Variants in CHMP3 observed in about 807,000 individuals in gnomAD.
The protein encoded by CHMP3 is charged multivesicular body protein 3.
A neutral mutation model predicts 27.4 loss-of-function variants in CHMP3; 8 were observed. That is an observed-to-expected ratio of 0.29 (90% CI 0.17 to 0.53). The LOEUF is 0.53. Ranked by LOEUF, CHMP3 falls within the 20% of genes least tolerant of loss-of-function variation. The probability of loss-of-function intolerance (pLI) is 0.96; values close to 1 mark genes in which losing one functional copy is unlikely to be tolerated. For synonymous variants in CHMP3, 86 were observed against 85.5 expected (o/e 1.01, Z -0.03); for missense variants, 208 against 271.5 (o/e 0.77, Z 1.64).
intron 1 of CHMP3, among the ~76,000 whole-genome samples, chr2:86,545,811 G>A (rs1676567424): frequency 6.7e-6 from 1 of 148,856 alleles, no homozygotes; most frequent in Admixed American, 6.7e-5. Context: ...CAGATGGGGT[G>A]GCCAGGCAGA....
intron 5 of CHMP3, chr2:86,507,021 A>AT (rs113356343): frequency 6.7e-5 from 10 of 149,170 alleles, no homozygotes; most frequent in Non-Finnish European, 8.9e-5. Context: ...ATTAGGTCAA[A>AT]TTTTTTTTTT....
At chr2:86,551,949 A>T (rs1454085296) in intron 1 of CHMP3, among the ~76,000 whole-genome samples, 1 of 152,220 alleles carries the variant, frequency 6.6e-6, no homozygotes, top group South Asian at 2.1e-4. Context: ...AAATTTTGGT[A>T]TCTAAATAGC....
chr2:86,562,306 G>A (rs1364345742), intron 1 of CHMP3: 1 of 151,982 alleles, frequency 6.6e-6, no homozygotes, highest in Non-Finnish European at 1.5e-5. Flanking sequence ...ACAAGCCTAG[G>A]TGTTGCAGAG....
chr2:86,525,238 T>C (rs1558649206), intron 3 of CHMP3, among the ~76,000 whole-genome samples: 1 of 152,208 alleles, frequency 6.6e-6, no homozygotes, highest in Non-Finnish European at 1.5e-5. Context: ...ATGCCTATAA[T>C]TGTACAATTA....
At chr2:86,542,352 A>C (rs780430703) in intron 1 of CHMP3, 40 bp from the exon 2 acceptor site, 1 of 1,578,784 alleles carries the variant, frequency 6.3e-7, no homozygotes, top group Non-Finnish European at 8.7e-7. Flanking sequence ...AGAAAAGCCG[A>C]AACTCCTAAC....
chr2:86,508,544 G>A (rs1674974399), intron 4 of CHMP3, among the ~76,000 whole-genome samples: 2 of 152,030 alleles, frequency 1.3e-5, no homozygotes, highest in Non-Finnish European at 2.9e-5. Context: ...GCTAGAAAAA[G>A]AAAATCCTGG....
chr2:86,527,374 A>AG (rs915323494), intron 3 of CHMP3: 3 of 152,342 alleles, frequency 2.0e-5, no homozygotes, highest in South Asian at 2.1e-4. Context: ...TTATTCATAG[A>AG]GGGAAAAAGG....
intron 3 of CHMP3, among the ~76,000 whole-genome samples, chr2:86,525,964 T>A (rs913649589): frequency 6.6e-5 from 10 of 152,020 alleles, no homozygotes; most frequent in African/African-American, 2.4e-4. Context: ...TTAGATAAGA[T>A]CGACTACTGG....
chr2:86,511,812 A>G (rs1286801360), intron 3 of CHMP3: 1 of 152,142 alleles, frequency 6.6e-6, no homozygotes, highest in African/African-American at 2.4e-5. Flanking sequence ...TGTTCAGTAA[A>G]CATTTTTGGG....
intron 3 of CHMP3, among the ~76,000 whole-genome samples, chr2:86,519,112 G>A (rs925678421): frequency 2.2e-4 from 33 of 152,166 alleles, no homozygotes; most frequent in Admixed American, 1.4e-3. Flanking sequence ...GGTGGCTCAC[G>A]CCTGTAATCC....
Position 86,554,324 on chromosome 2 carries a change from T to C in CHMP3, c.45+8980A>G, listed in dbSNP as rs550642601. Among the ~76,000 whole-genome samples, 5 of 152,284 alleles carry C rather than the reference T, an allele frequency of 3.3e-5. No individual in the cohort carries two copies. In the South Asian group the frequency reaches 1.0e-3, roughly 32 times the overall value. On this transcript the variant is annotated intron_variant, in intron 1 of 5. Coordinates refer to ENST00000263856, the MANE Select transcript of CHMP3 (RefSeq NM_016079.4). ...TCTACTTTTCTAAAAATTTAAAAAT[T>C]TTCATAATAAAACTTTAAAATAAAG...
At chr2:86,521,733 C>T (rs1675530951) in intron 3 of CHMP3, among the ~76,000 whole-genome samples, 1 of 152,204 alleles carries the variant, frequency 6.6e-6, no homozygotes, top group South Asian at 2.1e-4. Context: ...CTTCAAGATT[C>T]GTCCATATTG....
intron 2 of CHMP3, among the ~76,000 whole-genome samples, chr2:86,538,547 A>G (rs1676237001): frequency 6.6e-6 from 1 of 152,166 alleles, no homozygotes; most frequent in Admixed American, 6.5e-5. Context: ...ATGATCACCA[A>G]AGTGTTTGTG....
At chr2:86,553,724 C>A (rs1558662360) in intron 1 of CHMP3, among the ~76,000 whole-genome samples, 1 of 152,062 alleles carries the variant, frequency 6.6e-6, no homozygotes, top group Non-Finnish European at 1.5e-5. Flanking sequence ...ACTGGGAACA[C>A]CTGGGAAAAT....
At chr2:86,543,876 C>T (rs536579485) in intron 1 of CHMP3, among the ~76,000 whole-genome samples, 47 of 152,236 alleles carry the variant, frequency 3.1e-4, no homozygotes, top group Non-Finnish European at 5.6e-4. Flanking sequence ...TATAATTAAC[C>T]ATTTTAAAGT....
At chr2:86,532,581 AT>A (rs1675969585) in intron 2 of CHMP3, among the ~76,000 whole-genome samples, 1 of 151,982 alleles carries the variant, frequency 6.6e-6, no homozygotes, top group African/African-American at 2.4e-5. Context: ...TTTTTCATAC[AT>A]GGTTTTTACT....
chr2:86,533,331 G>A (rs1675999076), intron 2 of CHMP3, among the ~76,000 whole-genome samples: 2 of 151,982 alleles, frequency 1.3e-5, no homozygotes, highest in Non-Finnish European at 2.9e-5. Context: ...ATCTAGTTAA[G>A]GTGTATACAT....
At chr2:86,526,685 T>C (rs1305440673) in intron 3 of CHMP3, among the ~76,000 whole-genome samples, 1 of 151,880 alleles carries the variant, frequency 6.6e-6, no homozygotes, top group Non-Finnish European at 1.5e-5. Context: ...TCTCTCTCTA[T>C]ATATATATAC....
chr2:86,543,228 T>C (rs1394363803), intron 1 of CHMP3, among the ~76,000 whole-genome samples: 1 of 152,224 alleles, frequency 6.6e-6, no homozygotes, highest in East Asian at 1.9e-4. Flanking sequence ...TAAAAGTCCA[T>C]ACCATTAGAA....
Sources: gnomAD v4.1 joint callset for allele counts (sites outside exome capture counted in the v4.1 genomes callset) on GRCh38, gnomAD v4.1.1 for gene constraint, MANE v1.5 for transcripts, NCBI Gene and HGNC (gene_info 2026-07-23, HGNC 2026-07-21) for gene names.